The following OTOGL variants were observed in gnomAD, a reference collection of about 807,000 sequenced individuals.
OTOGL encodes otogelin like, also known as otogelin-like protein.
In OTOGL, 285 loss-of-function variants were observed where a neutral mutation model predicts 318.5. The ratio of observed to expected loss-of-function variants is 0.89; its 90% CI spans 0.81 to 0.99. The LOEUF (loss-of-function observed/expected upper bound fraction) is 0.99. Ranked by LOEUF, OTOGL falls within the 50% of genes least tolerant of loss-of-function variation. The probability of loss-of-function intolerance (pLI) is 0.00; values close to 1 mark genes in which losing one functional copy is unlikely to be tolerated. For synonymous variants in OTOGL, 987 were observed against 936.5 expected (o/e 1.05, Z -0.99); for missense variants, 2,899 against 2,845.6 (o/e 1.02, Z -0.43).
chr12:80,130,489 A>G (rs1017242217), intron 1 of OTOGL, among the ~76,000 whole-genome samples: 4 of 152,242 alleles, frequency 2.6e-5, no homozygotes, highest in Admixed American at 2.6e-4. Flanking sequence ...TAAACCAGAA[A>G]GAGCAGGCCA....
At chr12:80,150,808 T>C (rs1396656034) in intron 1 of OTOGL, among the ~76,000 whole-genome samples, 1 of 152,182 alleles carries the variant, frequency 6.6e-6, no homozygotes, top group Admixed American at 6.5e-5. Flanking sequence ...TGTACCCTAC[T>C]GTAAGTCTAG....
intron 1 of OTOGL, among the ~76,000 whole-genome samples, chr12:80,195,952 A>G (rs1876034588): frequency 6.6e-6 from 1 of 152,222 alleles, no homozygotes; most frequent in South Asian, 2.1e-4. Context: ...GAACTGTGTC[A>G]TCTAAAATCA....
chr12:80,232,561 G>A (rs1305987315), intron 8 of OTOGL, among the ~76,000 whole-genome samples: 8 of 152,074 alleles, frequency 5.3e-5, no homozygotes, highest in Non-Finnish European at 1.0e-4. Flanking sequence ...ATACTAAATA[G>A]GCAAGGTTAT....
chr12:80,319,904 T>C (rs1887212130), intron 33 of OTOGL, among the ~76,000 whole-genome samples: 1 of 152,174 alleles, frequency 6.6e-6, no homozygotes. Flanking sequence ...CTCTTCTTGG[T>C]GCAGTAAGAT....
rs869285817 is a variant in OTOGL, at chr12:80,355,229, CTT to C, written c.5594-489_5594-488del. Among the ~76,000 whole-genome samples, 276 of 50,000 alleles carry C rather than the reference CTT, an allele frequency of 5.5e-3. 3 individuals carry two copies. The highest frequency in any genetic ancestry group is 0.033 in the Middle Eastern group (3 of 90). 32.8% of individuals were successfully genotyped at this position (50,000 alleles called of 152,430 possible). On this transcript the variant is annotated intron_variant, in intron 46 of 58. Coordinates refer to ENST00000547103, the MANE Select transcript of OTOGL (RefSeq NM_001378609.3). ...TTTCTTTTCTTTCTTTCTTTCTTTT[CTT>C]TTTTTTTTTTTTTTTTTGAGACAGG...
At chr12:80,195,044 C>T (rs995176383) in intron 1 of OTOGL, among the ~76,000 whole-genome samples, 1 of 152,150 alleles carries the variant, frequency 6.6e-6, no homozygotes, top group African/African-American at 2.4e-5. Context: ...CAAGTGGACC[C>T]TCCCTCCCTC....
chr12:80,370,728 A>G, intron 56 of OTOGL, 39 bp downstream of exon 56: 2 of 1,399,028 alleles, frequency 1.4e-6, no homozygotes, highest in Non-Finnish European at 9.6e-7. Context: ...TTATTATTAT[A>G]TAATTTAGAA....
chr12:80,168,211 G>A (rs2137209380), intron 1 of OTOGL, among the ~76,000 whole-genome samples: 2 of 152,160 alleles, frequency 1.3e-5, no homozygotes, highest in East Asian at 3.9e-4. Flanking sequence ...GGCTGCCTCA[G>A]CCTCCCAAAG....
At chr12:80,339,878 T>C (rs1326221133) in intron 43 of OTOGL, among the ~76,000 whole-genome samples, 1 of 152,092 alleles carries the variant, frequency 6.6e-6, no homozygotes, top group East Asian at 1.9e-4. Flanking sequence ...GAAAACAAAT[T>C]AGAAATATCT....
intron 1 of OTOGL, among the ~76,000 whole-genome samples, chr12:80,143,010 G>T (rs1480981848): frequency 6.6e-6 from 1 of 152,090 alleles, no homozygotes. Context: ...TGCAAGAGGT[G>T]GGAAAGATGG....
rs11324174 is a variant in OTOGL, at chr12:80,270,045, GAA to G, written c.2466-45_2466-44del. 0.026 allele frequency: 22,228 copies of G among 854,010 alleles called. 9 individuals are homozygous for G. The highest frequency in any genetic ancestry group is 0.029 in the South Asian group (1,471 of 51,102). The allele number at this position is 854,010 out of a possible 1,614,324, so 52.9% of individuals were successfully genotyped here. On this transcript the variant is annotated intron_variant, in intron 22 of 58. Transcript: ENST00000547103. The stretch of plus-strand genomic sequence containing the variant: ...CGTTAGATTGTTGTCGAAATTCAGG[GAA>G]AAAAAAAAAAACAACAGATTTGGTT...
rs1349226394 is a variant in OTOGL at position 80,329,045 on chromosome 12, T to C, written c.4280-6T>C. 45 of 1,588,258 alleles carry C rather than the reference T, an allele frequency of 2.8e-5. No individual in the cohort carries two copies. Among genetic ancestry groups the C allele is most frequent in the Non-Finnish European group, 3.7e-5 (43 of 1,170,388 alleles). On this transcript the variant is annotated splice_polypyrimidine_tract_variant and splice_region_variant and intron_variant, in intron 36 of 58. Coordinates refer to ENST00000547103, the MANE Select transcript of OTOGL (RefSeq NM_001378609.3). The stretch of plus-strand genomic sequence containing the variant: ...TTTTATAAAGAGCACCTTTGTTTCT[T>C]TGTAGGTATACCTGTGATTCCCACA...
In OTOGL at chr12:80,320,597, C is replaced by T. The variant is rs1887267837; in HGVS notation, c.3978C>T (p.Tyr1326=). 4.3e-6 allele frequency: 7 copies of T among 1,612,796 alleles called. No homozygotes were observed. Among genetic ancestry groups the T allele is most frequent in the Non-Finnish European group, 5.9e-6 (7 of 1,179,322 alleles). The change falls in exon 34 of 59, where the codon TAC becomes TAT. Residue 1326 remains tyrosine (Y), a synonymous_variant. Coordinates refer to ENST00000547103, the MANE Select transcript of OTOGL (RefSeq NM_001378609.3). ...WIPGYSAFEL[Y]SKKGFFIIFT... ...CTGGTTACAGTGCATTTGAGTTATA[C>T]AGCAAGAAAGGCTTTTTCATCATAT...
chr12:80,350,069 A>G (rs919253157), intron 44 of OTOGL, among the ~76,000 whole-genome samples: 2 of 152,110 alleles, frequency 1.3e-5, no homozygotes, highest in Non-Finnish European at 2.9e-5. Flanking sequence ...TCTTCCCATC[A>G]CTTCAGTCCC....
intron 44 of OTOGL, among the ~76,000 whole-genome samples, chr12:80,345,144 A>G (rs1385886824): frequency 1.5e-5 from 2 of 134,638 alleles, no homozygotes; most frequent in Admixed American, 8.2e-5. Flanking sequence ...AATATATATT[A>G]TATGTTATAT....
chr12:80,365,723 A>T (rs1195506301), intron 52 of OTOGL, among the ~76,000 whole-genome samples: 1 of 152,192 alleles, frequency 6.6e-6, no homozygotes, highest in Non-Finnish European at 1.5e-5. Flanking sequence ...TTTACAACTT[A>T]CAAGGCACTA....
intron 27 of OTOGL, among the ~76,000 whole-genome samples, chr12:80,299,665 T>G (rs935242119): frequency 4.0e-5 from 6 of 150,928 alleles, no homozygotes; most frequent in Non-Finnish European, 7.4e-5. Context: ...CAATTCTAAT[T>G]TTATCAAATG....
At chr12:80,300,086 A>G (rs1329191240) in intron 27 of OTOGL, among the ~76,000 whole-genome samples, 1 of 152,178 alleles carries the variant, frequency 6.6e-6, no homozygotes, top group Non-Finnish European at 1.5e-5. Context: ...CAGTGAAAAC[A>G]ATAGAATTAG....
In OTOGL at chr12:80,337,011, A is replaced by G; in HGVS notation, c.4860+7A>G. The G allele has an allele frequency of 6.5e-7, 1 of 1,546,798 alleles. No homozygotes were observed. Among genetic ancestry groups the G allele is most frequent in the Non-Finnish European group, 8.8e-7 (1 of 1,138,634 alleles). On this transcript the variant is annotated splice_region_variant and intron_variant, in intron 42 of 58. Coordinates refer to ENST00000547103, the MANE Select transcript of OTOGL (RefSeq NM_001378609.3). ...CAATCGGTTGGCAAGAAAGGTAAGAATACAAAGTTAAAATTTTTTCTCACA... is the reference window on the plus strand; with the variant it reads ...CAATCGGTTGGCAAGAAAGGTAAGAGTACAAAGTTAAAATTTTTTCTCACA...
Sources: gnomAD v4.1 joint callset for allele counts (sites outside exome capture counted in the v4.1 genomes callset) on GRCh38, gnomAD v4.1.1 for gene constraint, MANE v1.5 for transcripts, NCBI Gene and HGNC (gene_info 2026-07-23, HGNC 2026-07-21) for gene names.